Variants in RSPH14 observed in about 807,000 individuals in gnomAD.
The protein encoded by RSPH14 is rhabdoid tumor deletion region gene 1.
RSPH14 carries 20 observed loss-of-function variants against 26.7 expected under a neutral mutation model. The ratio of observed to expected loss-of-function variants is 0.75; its 90% CI spans 0.53 to 1.09. The LOEUF is 1.09. RSPH14 is among the 50% of genes least tolerant of loss of function. The pLI is 0.00. For missense variants in RSPH14, 449 were observed against 457.2 expected (o/e 0.98, Z 0.16); for synonymous variants, 177 against 189.3 (o/e 0.93, Z 0.53).
rs559552626 is a variant in RSPH14 at position 23,099,133 on chromosome 22, G to A, written c.421+34893C>T. Among the ~76,000 whole-genome samples, 5 of 152,284 alleles carry A rather than the reference G, an allele frequency of 3.3e-5. No individual in the cohort carries two copies. In the South Asian group the frequency reaches 6.2e-4, roughly 19 times the overall value. ...GTGCCTCCCCACCCCCACGCCTGGC[G>A]AAGGAGCCACAGCCCCCCGGCCCAC... On this transcript the variant is annotated intron_variant, in intron 4 of 6. Coordinates refer to ENST00000216036, the MANE Select transcript of RSPH14 (RefSeq NM_014433.3).
At chr22:23,121,423 C>T (rs1479988755) in intron 4 of RSPH14, among the ~76,000 whole-genome samples, 8 of 152,214 alleles carry the variant, frequency 5.3e-5, no homozygotes, top group Non-Finnish European at 2.9e-5. Context: ...CCTGGGCACC[C>T]CTGCCCTCAG....
intron 4 of RSPH14, among the ~76,000 whole-genome samples, chr22:23,130,119 G>GAA (rs1307346234): frequency 3.8e-5 from 4 of 105,656 alleles, no homozygotes; most frequent in Non-Finnish European, 4.0e-5. Flanking sequence ...AAGAAAGAAA[G>GAA]AAAGAAAGAA....
chr22:23,100,557 A>G (rs554431124), intron 4 of RSPH14, among the ~76,000 whole-genome samples: 1 of 152,300 alleles, frequency 6.6e-6, no homozygotes, highest in African/African-American at 2.4e-5. Context: ...CTGGCCCTGG[A>G]TAGTGGTCCC....
the RSPH14 span, chr22:23,159,205 C>A: frequency 6.2e-7 from 1 of 1,609,394 alleles, no homozygotes; most frequent in East Asian, 2.2e-5. Context: ...CGCTGTGCAC[C>A]TGGCCAGGGA....
chr22:23,097,708 A>G (rs749302790), intron 4 of RSPH14, among the ~76,000 whole-genome samples: 2 of 152,232 alleles, frequency 1.3e-5, no homozygotes, highest in Non-Finnish European at 2.9e-5. Flanking sequence ...GGCAGAGGGG[A>G]CATCTCAGCA....
upstream of RSPH14, chr22:23,146,120 G>A (rs915673646): frequency 4.5e-6 from 3 of 663,974 alleles, no homozygotes; most frequent in African/African-American, 5.9e-5. Context: ...GGCAGGCCTG[G>A]TTCCCCCATA....
chr22:23,157,886 TGG>T, the RSPH14 span: 1 of 1,580,360 alleles, frequency 6.3e-7, no homozygotes, highest in Middle Eastern at 1.7e-4. Context: ...AGTGCCTGGT[TGG>T]GGGGCTGCCC....
chr22:23,106,007 C>T (rs980295875), intron 4 of RSPH14, among the ~76,000 whole-genome samples: 1 of 152,156 alleles, frequency 6.6e-6, no homozygotes, highest in Non-Finnish European at 1.5e-5. Context: ...CACAGGAGCT[C>T]CAGGCCCTTT....
At chr22:23,082,377 AT>A (rs34931887) in intron 4 of RSPH14, among the ~76,000 whole-genome samples, 32,940 of 116,370 alleles carry the variant, frequency 0.28, 3,812 homozygotes, top group East Asian at 0.39. Flanking sequence ...ACACCTGGCT[AT>A]TTTTTTTTTT....
At chr22:23,152,327 G>C in the RSPH14 span, 1 of 845,366 alleles carries the variant, frequency 1.2e-6, no homozygotes, top group South Asian at 1.5e-5. Context: ...CAGTGTCTCA[G>C]CAGGGTGGCC....
intron 4 of RSPH14, among the ~76,000 whole-genome samples, chr22:23,091,477 T>C (rs976982232): frequency 6.2e-5 from 9 of 144,462 alleles, no homozygotes; most frequent in African/African-American, 2.1e-4. Context: ...CACACCGCAA[T>C]GGACCTGCAC....
chr22:23,092,310 G>T (rs1301109522), intron 4 of RSPH14, among the ~76,000 whole-genome samples: 1 of 152,200 alleles, frequency 6.6e-6, no homozygotes, highest in African/African-American at 2.4e-5. Flanking sequence ...TTGAACCACA[G>T]CCAGGCTCCC....
chr22:23,134,520 G>A (rs2070424074), intron 3 of RSPH14, among the ~76,000 whole-genome samples: 1 of 133,674 alleles, frequency 7.5e-6, no homozygotes, highest in Non-Finnish European at 1.6e-5. Context: ...GCTTTGGAAG[G>A]ACTCAAAATT....
At chr22:23,132,601 A>AC (rs964821744) in intron 4 of RSPH14, 15 of 151,022 alleles carry the variant, frequency 9.9e-5, no homozygotes, top group African/African-American at 3.4e-4. Flanking sequence ...ACTACTACAC[A>AC]CCCACCAAAA....
chr22:23,060,881 G>C (rs997162814), intron 6 of RSPH14, among the ~76,000 whole-genome samples: 2 of 152,194 alleles, frequency 1.3e-5, no homozygotes, highest in East Asian at 3.9e-4. Flanking sequence ...TCAGCCTCTT[G>C]TGTCTCGAGC....
intron 4 of RSPH14, among the ~76,000 whole-genome samples, chr22:23,101,565 C>G (rs1300573757): frequency 6.6e-6 from 1 of 152,224 alleles, no homozygotes; most frequent in East Asian, 1.9e-4. Context: ...CACTCTGCCT[C>G]CTGTTCCTGA....
intron 3 of RSPH14, among the ~76,000 whole-genome samples, chr22:23,135,772 A>T (rs898594346): frequency 9.9e-5 from 15 of 151,956 alleles, no homozygotes; most frequent in African/African-American, 2.9e-4. Flanking sequence ...TTTAAAGGAA[A>T]CCATTTCTTC....
At chr22:23,130,644 C>T (rs1453866019) in intron 4 of RSPH14, among the ~76,000 whole-genome samples, 1 of 152,042 alleles carries the variant, frequency 6.6e-6, no homozygotes, top group Admixed American at 6.6e-5. Flanking sequence ...TGTAGGTAAC[C>T]GACAAAGGGC....
chr22:23,110,577 G>A (rs1356158333), intron 4 of RSPH14, among the ~76,000 whole-genome samples: 2 of 152,242 alleles, frequency 1.3e-5, no homozygotes, highest in East Asian at 3.8e-4. Context: ...CCCACCACCT[G>A]AGCAGATGGG....
Sources: allele counts gnomAD v4.1 joint callset (sites outside exome capture counted in the v4.1 genomes callset), GRCh38; gene constraint gnomAD v4.1.1; transcripts MANE v1.5; gene names NCBI Gene and HGNC (gene_info 2026-07-23, HGNC 2026-07-21).